Variants in LIMCH1 observed in about 807,000 individuals in gnomAD.
LIMCH1 encodes the protein LIM and calponin homology domains 1.
A neutral mutation model predicts 176.5 loss-of-function variants in LIMCH1; 113 were observed. The ratio of observed to expected loss-of-function variants is 0.64; its 90% confidence interval spans 0.55 to 0.75. LIMCH1 has a LOEUF of 0.75. LIMCH1 is among the 30% of genes least tolerant of loss of function. LIMCH1 has a pLI of 0.00. For missense variants in LIMCH1, 1,674 were observed against 1,814.9 expected, an observed-to-expected ratio of 0.92 and a Z score of 1.41; for synonymous variants, 619 against 645.9, an observed-to-expected ratio of 0.96 and a Z score of 0.63.
Position 41,691,092 on chromosome 4 carries a change from CCTT to C in LIMCH1, c.4276-1186_4276-1184del, listed in dbSNP as rs558497122. On this transcript the variant is annotated intron_variant, in intron 30 of 31. Transcript: ENST00000503057. ...AGATTCTCAAGGGTCAGGAGACTTGCCTTCTTAACTCTCAAGGCCTTTATTCAC... is the reference window on the plus strand; with the variant it reads ...AGATTCTCAAGGGTCAGGAGACTTGCCTTAACTCTCAAGGCCTTTATTCAC... Among the ~76,000 whole-genome samples, 31 of 152,232 alleles carry C rather than the reference CCTT, an allele frequency of 2.0e-4. No individual in the cohort carries two copies. In the South Asian group the frequency reaches 5.6e-3, roughly 28 times the overall value.
At chr4:41,390,674 C>T (rs1002488182) in intron 1 of LIMCH1, among the ~76,000 whole-genome samples, 2 of 152,106 alleles carry the variant, frequency 1.3e-5, no homozygotes, top group Non-Finnish European at 2.9e-5. Context: ...TCCATCAGAC[C>T]TGGTTTTCCT....
At chr4:41,481,959 T>G (rs1261984522) in intron 1 of LIMCH1, among the ~76,000 whole-genome samples, 2 of 152,144 alleles carry the variant, frequency 1.3e-5, no homozygotes, top group Non-Finnish European at 2.9e-5. Flanking sequence ...CAAGCGATTC[T>G]TCTGCCTCAG....
chr4:41,606,119 A>T, intron 4 of LIMCH1, 115 bp downstream of exon 4: 1 of 647,472 alleles, frequency 1.5e-6, no homozygotes, highest in Non-Finnish European at 2.8e-6. Context: ...TGAGCCAAAG[A>T]TATGCACTCA....
intron 1 of LIMCH1, among the ~76,000 whole-genome samples, chr4:41,445,801 A>G (rs561995395): frequency 6.6e-6 from 1 of 152,260 alleles, no homozygotes; most frequent in African/African-American, 2.4e-5. Context: ...ATCTTGCTTT[A>G]TTATCTGTTG....
At chr4:41,519,864 C>A (rs978718744) in intron 2 of LIMCH1, among the ~76,000 whole-genome samples, 91 of 152,238 alleles carry the variant, frequency 6.0e-4, no homozygotes, top group African/African-American at 2.1e-3. Context: ...AAAACTGAGA[C>A]CCTGATTAAG....
intron 1 of LIMCH1, among the ~76,000 whole-genome samples, chr4:41,552,723 T>A (rs908462616): frequency 3.3e-5 from 5 of 152,214 alleles, no homozygotes; most frequent in Non-Finnish European, 5.9e-5. Context: ...AAAATAGCTT[T>A]TAAAAATATT....
chr4:41,682,563 C>T (rs61271673), intron 26 of LIMCH1, 103 bp downstream of exon 26: 130,882 of 1,088,562 alleles, frequency 0.12, 9,670 homozygotes, highest in African/African-American at 0.31. Flanking sequence ...CATTCAGCTT[C>T]GAAATGAATG....
At chr4:41,425,581 G>T (rs1233894058) in intron 1 of LIMCH1, among the ~76,000 whole-genome samples, 1 of 152,038 alleles carries the variant, frequency 6.6e-6, no homozygotes, top group Admixed American at 6.6e-5. Context: ...TCCTGACCTC[G>T]GGTTATCTGC....
chr4:41,571,371 G>A, intron 1 of LIMCH1, among the ~76,000 whole-genome samples: 1 of 152,098 alleles, frequency 6.6e-6, no homozygotes, highest in Non-Finnish European at 1.5e-5. Context: ...AAAGGAGACG[G>A]AACACAGGAG....
chr4:41,463,781 G>T (rs7439690), intron 1 of LIMCH1, among the ~76,000 whole-genome samples: 1 of 151,594 alleles, frequency 6.6e-6, no homozygotes, highest in South Asian at 2.1e-4. Context: ...GTTTCACCAT[G>T]TTGGCCAGGC....
chr4:41,643,161 G>A (rs1241135444), intron 14 of LIMCH1, among the ~76,000 whole-genome samples: 3 of 152,178 alleles, frequency 2.0e-5, no homozygotes, highest in South Asian at 4.1e-4. Flanking sequence ...AGGGAAGGTG[G>A]GCAGCCATTG....
intron 31 of LIMCH1, chr4:41,693,054 G>A (rs6835394): frequency 0.057 from 8,644 of 152,290 alleles, 393 homozygotes; most frequent in East Asian, 0.12. Flanking sequence ...GGGGCAGCAG[G>A]GGGTGCTGTT....
intron 1 of LIMCH1, among the ~76,000 whole-genome samples, chr4:41,385,116 C>T (rs2056313912): frequency 6.6e-6 from 1 of 152,164 alleles, no homozygotes. Flanking sequence ...TACTCTGAAC[C>T]AGTGGATATT....
intron 1 of LIMCH1, among the ~76,000 whole-genome samples, chr4:41,402,262 A>G (rs1195752297): frequency 6.6e-6 from 1 of 152,098 alleles, no homozygotes; most frequent in Non-Finnish European, 1.5e-5. Context: ...AATGCAAATC[A>G]AAACCACAAT....
chr4:41,671,883 TCAAA>T (rs1274545287), intron 22 of LIMCH1, among the ~76,000 whole-genome samples: 8 of 29,640 alleles, frequency 2.7e-4, no homozygotes, highest in Non-Finnish European at 4.5e-4. Flanking sequence ...AGACTTCGTC[TCAAA>T]AAAAAAAAAA....
intron 7 of LIMCH1, among the ~76,000 whole-genome samples, chr4:41,621,086 T>C (rs2092541984): frequency 6.6e-6 from 1 of 152,276 alleles, no homozygotes; most frequent in East Asian, 1.9e-4. Context: ...AAATAGTCTG[T>C]TGCTTTGAAA....
At chr4:41,435,328 A>AG (rs1324382519) in intron 1 of LIMCH1, among the ~76,000 whole-genome samples, 1 of 152,226 alleles carries the variant, frequency 6.6e-6, no homozygotes, top group Admixed American at 6.5e-5. Flanking sequence ...AAAGGAAAAC[A>AG]GGTGGCCTCT....
chr4:41,368,309 A>G (rs1263888071), intron 1 of LIMCH1, among the ~76,000 whole-genome samples: 1 of 152,222 alleles, frequency 6.6e-6, no homozygotes, highest in Non-Finnish European at 1.5e-5. Flanking sequence ...AAAAGTGTTT[A>G]CTGAGCTCCA....
intron 2 of LIMCH1, among the ~76,000 whole-genome samples, chr4:41,499,643 C>T (rs1488651125): frequency 6.6e-6 from 1 of 152,158 alleles, no homozygotes; most frequent in East Asian, 1.9e-4. Context: ...CATGGCAAAA[C>T]CCTGTCTCTA....
Sources: gnomAD v4.1 joint callset for allele counts (sites outside exome capture counted in the v4.1 genomes callset) on GRCh38, gnomAD v4.1.1 for gene constraint, MANE v1.5 for transcripts, NCBI Gene and HGNC (gene_info 2026-07-23, HGNC 2026-07-21) for gene names.